The following PPFIBP2 variants were observed in gnomAD, a reference collection of about 807,000 sequenced individuals.
PPFIBP2 encodes the protein PPFIB scaffold protein 2.
In PPFIBP2, 118 loss-of-function variants were observed where a neutral mutation model predicts 118.3. The ratio of observed to expected loss-of-function variants is 1.00; its 90% CI spans 0.86 to 1.16. PPFIBP2 has a LOEUF of 1.16. PPFIBP2 is among the 50% of genes most tolerant of loss of function. The pLI, the probability that PPFIBP2 is intolerant of heterozygous loss-of-function variation, is 0.00. For synonymous variants in PPFIBP2, 414 were observed against 397.4 expected, an observed-to-expected ratio of 1.04 and a Z score of -0.50; for missense variants, 1,195 against 1,073.1, an observed-to-expected ratio of 1.11 and a Z score of -1.59.
chr11:7,608,181 C>T (rs1176746290), intron 5 of PPFIBP2, among the ~76,000 whole-genome samples: 1 of 152,178 alleles, frequency 6.6e-6, no homozygotes, highest in Admixed American at 6.5e-5. Context: ...GAAATCTTGG[C>T]AATTTGAGTG....
chr11:7,649,397 G>A (rs1853630396), intron 20 of PPFIBP2, 135 bp from the exon 21 acceptor site: 1 of 1,307,332 alleles, frequency 7.6e-7, no homozygotes, highest in Non-Finnish European at 1.1e-6. Context: ...AAACCACTGT[G>A]ATAAGCTATT....
At chr11:7,575,599 A>T (rs1856211130) in intron 3 of PPFIBP2, among the ~76,000 whole-genome samples, 1 of 152,188 alleles carries the variant, frequency 6.6e-6, no homozygotes, top group Non-Finnish European at 1.5e-5. Context: ...TCTTCCTTGG[A>T]GTCCCAGATA....
chr11:7,519,514 C>A (rs1286289781), intron 1 of PPFIBP2, among the ~76,000 whole-genome samples: 3 of 152,092 alleles, frequency 2.0e-5, no homozygotes, highest in Admixed American at 1.3e-4. Context: ...TGTACTGTGG[C>A]CAGACTGAAT....
At chr11:7,519,102 A>G (rs1849499338) in intron 1 of PPFIBP2, among the ~76,000 whole-genome samples, 1 of 152,050 alleles carries the variant, frequency 6.6e-6, no homozygotes, top group African/African-American at 2.4e-5. Flanking sequence ...CTGACTGGGA[A>G]GATGGTGGCT....
intron 13 of PPFIBP2, among the ~76,000 whole-genome samples, chr11:7,635,270 G>C (rs895743569): frequency 2.0e-5 from 3 of 152,172 alleles, no homozygotes; most frequent in African/African-American, 7.2e-5. Context: ...CATAAAGGCT[G>C]AAGTCTGCAG....
intron 1 of PPFIBP2, among the ~76,000 whole-genome samples, chr11:7,534,058 G>A (rs971467928): frequency 6.6e-6 from 1 of 152,344 alleles, no homozygotes; most frequent in South Asian, 2.1e-4. Flanking sequence ...GTTCTAAACT[G>A]TGGTGAGGTG....
chr11:7,592,849 GCACTGCTGGGCCTAGAGTTT>G (rs1335543238), intron 3 of PPFIBP2, among the ~76,000 whole-genome samples: 4 of 152,214 alleles, frequency 2.6e-5, no homozygotes, highest in Non-Finnish European at 5.9e-5. Context: ...GTCAAGTCAA[GCACTGCTGGGCCTAGAGTTT>G]CACAGAGGCC....
the PPFIBP2 span, chr11:7,666,604 T>A: frequency 7.5e-7 from 1 of 1,324,858 alleles, no homozygotes; most frequent in Non-Finnish European, 1.1e-6. Context: ...TCTTGTTCCC[T>A]GGACTGACTA....
intron 5 of PPFIBP2, among the ~76,000 whole-genome samples, chr11:7,608,565 G>A (rs1847679040): frequency 6.6e-6 from 1 of 152,202 alleles, no homozygotes; most frequent in South Asian, 2.1e-4. Flanking sequence ...GCTTGAACCT[G>A]GGAGGTGGAG....
the PPFIBP2 span, chr11:7,665,653 T>C: frequency 7.7e-7 from 1 of 1,292,842 alleles, no homozygotes; most frequent in African/African-American, 1.5e-5. Context: ...GACAAGCTGC[T>C]CTACAAAGGC....
intron 4 of PPFIBP2, chr11:7,597,253 A>AT: frequency 6.5e-7 from 1 of 1,533,796 alleles, no homozygotes; most frequent in Non-Finnish European, 8.7e-7. Context: ...AAGAGGAATA[A>AT]GGAGCAGGAG....
At chr11:7,540,376 C>T (rs1305264079) in intron 1 of PPFIBP2, among the ~76,000 whole-genome samples, 1 of 152,028 alleles carries the variant, frequency 6.6e-6, no homozygotes, top group South Asian at 2.1e-4. Flanking sequence ...GGAGATTTTA[C>T]CGGATCTGGT....
At chr11:7,555,857 T>G (rs1238726521) in intron 2 of PPFIBP2, among the ~76,000 whole-genome samples, 1 of 152,220 alleles carries the variant, frequency 6.6e-6, no homozygotes, top group Non-Finnish European at 1.5e-5. Context: ...TTACTATAGT[T>G]GTAGGTATAG....
chr11:7,550,856 G>GC, intron 2 of PPFIBP2, among the ~76,000 whole-genome samples: 1 of 152,198 alleles, frequency 6.6e-6, no homozygotes, highest in South Asian at 2.1e-4. Flanking sequence ...GACTAGCTTA[G>GC]CCTCCCAGCC....
chr11:7,566,315 G>A (rs1300266970), intron 3 of PPFIBP2, among the ~76,000 whole-genome samples: 1 of 152,246 alleles, frequency 6.6e-6, no homozygotes, highest in East Asian at 1.9e-4. Context: ...TCTATATCCT[G>A]TATCTGGACA....
intron 1 of PPFIBP2, among the ~76,000 whole-genome samples, chr11:7,519,338 C>G (rs767239116): frequency 6.6e-6 from 1 of 152,112 alleles, no homozygotes; most frequent in Non-Finnish European, 1.5e-5. Context: ...AGGATTTGAA[C>G]AGGTGAGCAA....
At chr11:7,586,063 T>A (rs531889962) in intron 3 of PPFIBP2, among the ~76,000 whole-genome samples, 1 of 152,358 alleles carries the variant, frequency 6.6e-6, no homozygotes, top group East Asian at 1.9e-4. Context: ...AGTGAACTCA[T>A]CTTTGGCAAT....
Position 7,545,003 on chromosome 11 carries a change from C to T in PPFIBP2, c.-36-4437C>T, listed in dbSNP as rs144990794. Among the ~76,000 whole-genome samples, 803 of 152,222 alleles carry T rather than the reference C, an allele frequency of 5.3e-3. 14 individuals are homozygous for T. Among genetic ancestry groups the T allele is most frequent in the African/African-American group, 0.018 (757 of 41,540 alleles). ...AGGAACCGATGTGGAAGACACTGAA[C>T]GCACTGCATGTCATCAGACAGCATG... On this transcript the variant is annotated intron_variant, in intron 1 of 23. Transcript: ENST00000299492.
At chr11:7,533,530 A>G (rs1045612668) in intron 1 of PPFIBP2, among the ~76,000 whole-genome samples, 23 of 152,204 alleles carry the variant, frequency 1.5e-4, no homozygotes, top group Non-Finnish European at 4.4e-5. Flanking sequence ...AAATAATACA[A>G]ATTATTATCA....
Sources: gnomAD v4.1 joint callset for allele counts (sites outside exome capture counted in the v4.1 genomes callset) on GRCh38, gnomAD v4.1.1 for gene constraint, MANE v1.5 for transcripts, NCBI Gene and HGNC (gene_info 2026-07-23, HGNC 2026-07-21) for gene names.